ZNF143: variants seen among roughly 807,000 people sequenced by gnomAD.
The protein encoded by ZNF143 is zinc finger protein 143.
A neutral mutation model predicts 74.1 loss-of-function variants in ZNF143; 49 were observed. That is an observed-to-expected ratio of 0.66 (90% CI 0.53 to 0.84). ZNF143 has a LOEUF of 0.84. ZNF143 is among the 40% of genes least tolerant of loss of function. ZNF143 has a pLI of 0.00. For synonymous variants in ZNF143, 304 were observed against 282.8 expected, an observed-to-expected ratio of 1.07 and a Z score of -0.75; for missense variants, 637 against 793.4, an observed-to-expected ratio of 0.80 and a Z score of 2.37.
chr11:9,471,465 T>C (rs767977289), intron 2 of ZNF143, 45 bp downstream of exon 2: 1 of 1,417,236 alleles, frequency 7.1e-7, no homozygotes, highest in South Asian at 1.4e-5. Flanking sequence ...ATATCATTTA[T>C]CTTAAAAGAA....
At chr11:9,488,302 C>T (rs1244972343) in intron 7 of ZNF143, among the ~76,000 whole-genome samples, 1 of 152,184 alleles carries the variant, frequency 6.6e-6, no homozygotes, top group East Asian at 1.9e-4. Flanking sequence ...GTGATCTTGG[C>T]TTGTCCCTTA....
At chr11:9,506,871 C>T (rs1054628218) in intron 11 of ZNF143, among the ~76,000 whole-genome samples, 1 of 151,910 alleles carries the variant, frequency 6.6e-6, no homozygotes, top group Non-Finnish European at 1.5e-5. Context: ...ATGTAACTAG[C>T]CAGTAAGGGA....
rs749657798 is a variant in ZNF143 at position 9,527,961 on chromosome 11, AT to A, written c.*349del. Reference sequence around the variant, plus strand: ...TTTTTAACTTCCCGTGGAAAAAAAAATAAAGGCTGTATCTAAAATATCAAAG... The same window carrying A: ...TTTTTAACTTCCCGTGGAAAAAAAAAAAAGGCTGTATCTAAAATATCAAAG... On this transcript the variant is annotated 3_prime_UTR_variant, in exon 16 of 16. Transcript: ENST00000396602. The A allele has an allele frequency of 1.2e-4, 21 of 170,448 alleles. No homozygotes were observed. The highest frequency in any genetic ancestry group is 5.0e-5 in the Non-Finnish European group (4 of 79,752). The allele number at this position is 170,448 out of a possible 1,614,324, so 10.6% of individuals were successfully genotyped here. A position where few individuals can be genotyped will look rare whatever the true frequency, so the allele number is the denominator to read the frequency against.
At chr11:9,466,362 C>A (rs778046715) in intron 1 of ZNF143, among the ~76,000 whole-genome samples, 1 of 151,036 alleles carries the variant, frequency 6.6e-6, no homozygotes, top group Non-Finnish European at 1.5e-5. Context: ...ATGATGTGAT[C>A]TCGGCTCACT....
Position 9,472,796 on chromosome 11 carries a change from G to C in ZNF143, c.205+27G>C, listed in dbSNP as rs187380309. On this transcript the variant is annotated intron_variant, in intron 3 of 15. Coordinates refer to ENST00000396602, the MANE Select transcript of ZNF143 (RefSeq NM_003442.6). ...TATGTGCCTCACATATGGCTGATTG[G>C]TTAATACCAGTGATTTATAACCTGT... 6.1e-4 allele frequency: 911 copies of C among 1,494,552 alleles called. 6 individuals are homozygous for C. The African/African-American group carries it at 0.012, about 20-fold the overall frequency. The allele number at this position is 1,494,552 out of a possible 1,614,324, so 92.6% of individuals were successfully genotyped here.
intron 1 of ZNF143, chr11:9,461,570 C>G (rs1855848551): frequency 6.6e-6 from 1 of 152,122 alleles, no homozygotes; most frequent in Non-Finnish European, 1.5e-5. Flanking sequence ...CCAGGACCTG[C>G]CGGTCTCACC....
intron 7 of ZNF143, among the ~76,000 whole-genome samples, chr11:9,486,828 C>T (rs1200770015): frequency 6.7e-6 from 1 of 149,864 alleles, no homozygotes; most frequent in African/African-American, 2.5e-5. Context: ...GCCACCACGC[C>T]TGGCTAATTT....
chr11:9,479,077 A>AT (rs35778859), intron 6 of ZNF143, among the ~76,000 whole-genome samples: 39 of 150,994 alleles, frequency 2.6e-4, no homozygotes, highest in African/African-American at 8.0e-4. Flanking sequence ...AAAAGAGCTG[A>AT]TTTTTTTTTT....
At chr11:9,513,906 C>T (rs1027449267) in intron 13 of ZNF143, among the ~76,000 whole-genome samples, 4 of 152,070 alleles carry the variant, frequency 2.6e-5, no homozygotes, top group South Asian at 2.1e-4. Context: ...TAAATAAATA[C>T]ATTTTAAAAA....
chr11:9,497,531 C>T, intron 9 of ZNF143, 144 bp from the exon 10 acceptor site: 1 of 637,660 alleles, frequency 1.6e-6, no homozygotes, highest in Non-Finnish European at 2.4e-6. Context: ...GTGCCCGGCC[C>T]TTTTGTACAT....
chr11:9,484,553 A>G (rs1399552333), intron 7 of ZNF143, among the ~76,000 whole-genome samples: 1 of 149,140 alleles, frequency 6.7e-6, no homozygotes. Context: ...TTCTACCTCT[A>G]AAAGAAAGGT....
chr11:9,472,437 A>G (rs1383033724), intron 2 of ZNF143, among the ~76,000 whole-genome samples: 2 of 152,142 alleles, frequency 1.3e-5, no homozygotes, highest in East Asian at 3.8e-4. Flanking sequence ...TATTTTTAGT[A>G]GAGACGGGGT....
At chr11:9,482,363 C>T (rs1016915325) in intron 7 of ZNF143, among the ~76,000 whole-genome samples, 12 of 150,196 alleles carry the variant, frequency 8.0e-5, no homozygotes, top group South Asian at 2.1e-4. Context: ...CTCCGTCTCC[C>T]GGGTTCACGC....
intron 13 of ZNF143, among the ~76,000 whole-genome samples, chr11:9,513,443 G>T (rs1251270477): frequency 1.3e-5 from 2 of 152,180 alleles, no homozygotes; most frequent in Non-Finnish European, 2.9e-5. Context: ...TTCTGCATCA[G>T]CCTTAACACT....
intron 15 of ZNF143, among the ~76,000 whole-genome samples, chr11:9,527,261 C>T (rs1033989044): frequency 1.3e-5 from 2 of 152,214 alleles, no homozygotes; most frequent in African/African-American, 2.4e-5. Flanking sequence ...CATGGGCCAC[C>T]ATGCCCCGCT....
intron 13 of ZNF143, among the ~76,000 whole-genome samples, chr11:9,515,158 G>C (rs1376357906): frequency 6.6e-6 from 1 of 152,102 alleles, no homozygotes; most frequent in African/African-American, 2.4e-5. Flanking sequence ...GTGATGGGCA[G>C]TCACAGGGGA....
chr11:9,476,076 A>G (rs991990758), intron 5 of ZNF143, among the ~76,000 whole-genome samples: 2 of 151,920 alleles, frequency 1.3e-5, no homozygotes, highest in African/African-American at 4.8e-5. Flanking sequence ...TGTTTAAGGG[A>G]AGTTCAGGGG....
intron 7 of ZNF143, among the ~76,000 whole-genome samples, chr11:9,486,381 ATATATAAT>A (rs1847497076): frequency 8.0e-5 from 2 of 24,874 alleles, no homozygotes; most frequent in Non-Finnish European, 1.4e-4. Context: ...AATATATTAT[ATATATAAT>A]ATATATAATA....
At chr11:9,483,777 G>C (rs1324338872) in intron 7 of ZNF143, among the ~76,000 whole-genome samples, 6 of 137,602 alleles carry the variant, frequency 4.4e-5, no homozygotes, top group Non-Finnish European at 9.3e-5. Context: ...TTGAGATGGA[G>C]TCTCACTCTG....
Sources: gnomAD v4.1 joint callset for allele counts (sites outside exome capture counted in the v4.1 genomes callset) on GRCh38, gnomAD v4.1.1 for gene constraint, MANE v1.5 for transcripts, NCBI Gene and HGNC (gene_info 2026-07-23, HGNC 2026-07-21) for gene names.